The following PALS2 variants were observed in gnomAD, a reference collection of about 807,000 sequenced individuals.
The protein encoded by PALS2 is protein associated with LIN7 2, MAGUK p55 family member, also known as protein PALS2.
A neutral mutation model predicts 61.6 loss-of-function variants in PALS2; 27 were observed. The ratio of observed to expected loss-of-function variants is 0.44; its 90% confidence interval spans 0.32 to 0.60. The LOEUF (loss-of-function observed/expected upper bound fraction) is 0.60, where lower values mean the gene tolerates loss of function less well. Ranked by LOEUF, PALS2 falls within the 20% of genes least tolerant of loss-of-function variation. PALS2 has a pLI of 0.05. For synonymous variants in PALS2, 236 were observed against 218.6 expected, an observed-to-expected ratio of 1.08 and a Z score of -0.70; for missense variants, 554 against 639.4, an observed-to-expected ratio of 0.87 and a Z score of 1.44.
chr7:24,675,858 G>A (rs1239264319), intron 9 of PALS2, among the ~76,000 whole-genome samples: 1 of 128,444 alleles, frequency 7.8e-6, no homozygotes, highest in Non-Finnish European at 1.6e-5. Context: ...ACATACGTGT[G>A]CATGTGTCTT....
intron 11 of PALS2, among the ~76,000 whole-genome samples, chr7:24,683,123 T>C (rs993640186): frequency 6.6e-6 from 1 of 152,216 alleles, no homozygotes; most frequent in Non-Finnish European, 1.5e-5. Context: ...TAGCAAACTT[T>C]ATTGATCTTT....
chr7:24,622,194 C>A (rs748246385), intron 1 of PALS2, among the ~76,000 whole-genome samples: 7 of 151,710 alleles, frequency 4.6e-5, no homozygotes, highest in Non-Finnish European at 7.4e-5. Context: ...TTGTCAATTT[C>A]TACAAAAAAA....
chr7:24,655,474 G>A (rs1321373194), intron 5 of PALS2, among the ~76,000 whole-genome samples: 2 of 152,102 alleles, frequency 1.3e-5, no homozygotes, highest in African/African-American at 4.8e-5. Flanking sequence ...GGAGAATCAA[G>A]TAGGATTTTA....
In PALS2 at chr7:24,618,796, A is replaced by G. The variant is rs1285650100; in HGVS notation, c.-2-4870A>G. On this transcript the variant is annotated intron_variant, in intron 1 of 11. Coordinates refer to ENST00000222644, the MANE Select transcript of PALS2 (RefSeq NM_001303037.2). The surrounding 1 kb of genome is among the most constrained non-coding windows in gnomAD (Gnocchi z 5.1). ...ACGCTGGCCTTGTGGGCTCCCAGTC[A>G]TCACAGGTACCTCTCCACTTCCCTG... Among the ~76,000 whole-genome samples, 1 of 152,206 alleles carries G rather than the reference A, an allele frequency of 6.6e-6. No individual in the cohort carries two copies. The highest frequency in any genetic ancestry group is 2.4e-5 in the African/African-American group (1 of 41,452).
intron 5 of PALS2, among the ~76,000 whole-genome samples, chr7:24,656,138 T>A (rs1187464216): frequency 6.6e-6 from 1 of 152,172 alleles, no homozygotes; most frequent in Non-Finnish European, 1.5e-5. Context: ...GAAATGCAGA[T>A]TCAGATGGGC....
intron 2 of PALS2, among the ~76,000 whole-genome samples, chr7:24,637,740 T>C (rs1785309810): frequency 6.6e-6 from 1 of 152,280 alleles, no homozygotes; most frequent in East Asian, 1.9e-4. Context: ...TTGAGTGAAA[T>C]ACCCAGAAGT....
intron 11 of PALS2, among the ~76,000 whole-genome samples, chr7:24,685,718 G>A (rs1788164665): frequency 6.7e-6 from 1 of 149,998 alleles, no homozygotes; most frequent in African/African-American, 2.5e-5. Flanking sequence ...TTGAAATGTG[G>A]CCTGTTTACA....
chr7:24,588,217 C>T (rs953668993), intron 1 of PALS2, among the ~76,000 whole-genome samples: 14 of 152,274 alleles, frequency 9.2e-5, no homozygotes, highest in African/African-American at 1.9e-4. Context: ...TTTTTACTTC[C>T]TTTTCTTCTA....
At chr7:24,636,491 A>G (rs181717346) in intron 2 of PALS2, among the ~76,000 whole-genome samples, 228 of 152,324 alleles carry the variant, frequency 1.5e-3, no homozygotes, top group Non-Finnish European at 2.9e-3. Flanking sequence ...GCAAATAACT[A>G]TGTAATACAT....
chr7:24,644,794 C>A (rs1466143417), intron 3 of PALS2, among the ~76,000 whole-genome samples: 1 of 151,966 alleles, frequency 6.6e-6, no homozygotes, highest in Non-Finnish European at 1.5e-5. Flanking sequence ...TTCTCTGCAA[C>A]CTTAACAGCA....
chr7:24,635,264 CTTGTT>C (rs1785182484), intron 2 of PALS2, among the ~76,000 whole-genome samples: 2 of 152,038 alleles, frequency 1.3e-5, no homozygotes, highest in Admixed American at 6.6e-5. Flanking sequence ...AAATTTTGCA[CTTGTT>C]TTGTTAGTTA....
chr7:24,676,411 T>G (rs1429764829), intron 9 of PALS2, among the ~76,000 whole-genome samples: 1 of 152,056 alleles, frequency 6.6e-6, no homozygotes, highest in Admixed American at 6.5e-5. Flanking sequence ...TGTCTTTTGT[T>G]GCCATTGCTT....
intron 2 of PALS2, among the ~76,000 whole-genome samples, chr7:24,639,134 A>T (rs535426738): frequency 7.2e-5 from 11 of 152,368 alleles, no homozygotes; most frequent in African/African-American, 1.7e-4. Context: ...CAACTAAATT[A>T]GACTGACTGA....
intron 1 of PALS2, among the ~76,000 whole-genome samples, chr7:24,580,061 G>T (rs1212145978): frequency 6.6e-6 from 1 of 152,166 alleles, no homozygotes; most frequent in Non-Finnish European, 1.5e-5. Flanking sequence ...AAGGAAAAGT[G>T]AAAGGTGAGG....
In PALS2 at chr7:24,640,793, G is replaced by A. The variant is rs1221016454; in HGVS notation, c.118-923G>A. 2.0e-5 allele frequency among the ~76,000 whole-genome samples: 3 copies of A among 151,952 alleles called. No individual in the cohort carries two copies. In the East Asian group the frequency reaches 5.8e-4, roughly 29 times the overall value. On this transcript the variant is annotated intron_variant, in intron 2 of 11. Transcript: ENST00000222644. ...GGAGGCCGAGGCGGGTGGATCACGA[G>A]GTCAGGAGATCAAGACCATCCTGGC...
chr7:24,660,267 T>A (rs1357560943), intron 5 of PALS2, among the ~76,000 whole-genome samples: 1 of 151,864 alleles, frequency 6.6e-6, no homozygotes, highest in East Asian at 1.9e-4. Flanking sequence ...TCAAAAAATG[T>A]AATATGTATT....
At chr7:24,654,454 C>G (rs1435757988) in intron 5 of PALS2, among the ~76,000 whole-genome samples, 2 of 152,108 alleles carry the variant, frequency 1.3e-5, no homozygotes, top group Non-Finnish European at 2.9e-5. Context: ...AGACACAAAA[C>G]TCAATTGCAT....
At chr7:24,595,502 T>TATATATA (rs1165652386) in intron 1 of PALS2, among the ~76,000 whole-genome samples, 2 of 110,492 alleles carry the variant, frequency 1.8e-5, no homozygotes, top group African/African-American at 4.3e-5. Context: ...ATATTTTTAA[T>TATATATA]ATATATAATA....
intron 1 of PALS2, among the ~76,000 whole-genome samples, chr7:24,587,449 C>T (rs1451210294): frequency 6.6e-6 from 1 of 152,006 alleles, no homozygotes; most frequent in African/African-American, 2.4e-5. Flanking sequence ...CTGATTGTAG[C>T]TCACTGCAAC....
Sources: allele counts gnomAD v4.1 joint callset (sites outside exome capture counted in the v4.1 genomes callset), GRCh38; gene constraint gnomAD v4.1.1; non-coding constraint Gnocchi (gnomAD v3.1); transcripts MANE v1.5; gene names NCBI Gene and HGNC (gene_info 2026-07-23, HGNC 2026-07-21).